NIPSNAP1: variants seen among roughly 807,000 people sequenced by gnomAD.
NIPSNAP1 encodes protein NipSnap homolog 1.
NIPSNAP1 carries 25 observed loss-of-function variants against 49.2 expected under a neutral mutation model. The ratio of observed to expected loss-of-function variants is 0.51; its 90% CI spans 0.37 to 0.71. NIPSNAP1 has a LOEUF of 0.71. Ranked by LOEUF, NIPSNAP1 falls within the 30% of genes least tolerant of loss-of-function variation. The pLI, the probability that NIPSNAP1 is intolerant of heterozygous loss-of-function variation, is 0.00. For synonymous variants in NIPSNAP1, 143 were observed against 140.7 expected, an observed-to-expected ratio of 1.02 and a Z score of -0.12; for missense variants, 294 against 361.0, an observed-to-expected ratio of 0.81 and a Z score of 1.50.
At chr22:29,573,632 G>A (rs528636260) in intron 1 of NIPSNAP1, among the ~76,000 whole-genome samples, 3 of 152,178 alleles carry the variant, frequency 2.0e-5, no homozygotes, top group African/African-American at 7.2e-5. Context: ...GCCAGGCGTG[G>A]TGGTGCATGC....
intron 4 of NIPSNAP1, 27 bp from the exon 5 acceptor site, chr22:29,561,889 G>T (rs1324402556): frequency 6.2e-7 from 1 of 1,611,774 alleles, no homozygotes; most frequent in Admixed American, 1.7e-5. Context: ...GTATAGGTCA[G>T]TGAGCTGCTG....
intron 8 of NIPSNAP1, among the ~76,000 whole-genome samples, chr22:29,559,338 C>T (rs912529851): frequency 6.6e-6 from 1 of 151,964 alleles, no homozygotes; most frequent in African/African-American, 2.4e-5. Flanking sequence ...GCCAGGAGTT[C>T]GAGGCCAGTC....
chr22:29,563,181 G>A (rs186635571), intron 4 of NIPSNAP1, among the ~76,000 whole-genome samples: 10 of 152,090 alleles, frequency 6.6e-5, no homozygotes, highest in African/African-American at 1.9e-4. Flanking sequence ...CAGGAGAATC[G>A]CTTGAACCCA....
chr22:29,567,114 G>A (rs2064373314), intron 4 of NIPSNAP1, among the ~76,000 whole-genome samples: 3 of 152,124 alleles, frequency 2.0e-5, no homozygotes, highest in South Asian at 2.1e-4. Context: ...AGTACAGAGC[G>A]AGGCTCCATC....
intron 1 of NIPSNAP1, 82 bp from the exon 2 acceptor site, chr22:29,570,614 CT>C: frequency 6.5e-7 from 1 of 1,537,456 alleles, no homozygotes; most frequent in South Asian, 1.2e-5. Flanking sequence ...TCCTGCTCCC[CT>C]AGACCAGTGA....
At position 29,572,254 on chromosome 22, in the gene NIPSNAP1, G is replaced by C. The variant is rs1239639495; in HGVS notation, c.99-1722C>G. On this transcript the variant is annotated intron_variant, in intron 1 of 9. Transcript: ENST00000216121. ...AGAGGCAGAGGTTGCAGTGAGCCAA[G>C]ATCGCACCATCACACTCCCGCCTGG... 9.5e-5 allele frequency among the ~76,000 whole-genome samples: 12 copies of C among 126,664 alleles called. No individual in the cohort carries two copies. In the East Asian group the frequency reaches 2.5e-3, roughly 27 times the overall value. 83.1% of individuals were successfully genotyped at this position (126,664 alleles called of 152,430 possible). A position where few individuals can be genotyped will look rare whatever the true frequency, so the allele number is the denominator to read the frequency against.
rs559921690 is a variant in NIPSNAP1 at position 29,556,800 on chromosome 22, A to C, written c.791-801T>G. ...ATTTCACTCTTGTTGCCCAGGCTGG[A>C]GTGCAATGGCACTATCTCGGCTCAC... is the stretch of plus-strand genomic sequence containing the variant. On this transcript the variant is annotated intron_variant, in intron 9 of 9. Coordinates refer to ENST00000216121, the MANE Select transcript of NIPSNAP1 (RefSeq NM_003634.4). Among the ~76,000 whole-genome samples, 86 of 152,256 alleles carry C rather than the reference A, an allele frequency of 5.6e-4. 3 individuals are homozygous for C. In the South Asian group the frequency reaches 0.018, roughly 31 times the overall value.
chr22:29,566,597 C>T (rs557766628), intron 4 of NIPSNAP1, among the ~76,000 whole-genome samples: 42 of 151,986 alleles, frequency 2.8e-4, no homozygotes, highest in African/African-American at 8.9e-4. Flanking sequence ...CCAAGGCTGA[C>T]GGATTGCTTG....
At chr22:29,568,320 C>G (rs2064382238) in intron 4 of NIPSNAP1, among the ~76,000 whole-genome samples, 1 of 144,030 alleles carries the variant, frequency 6.9e-6, no homozygotes, top group Admixed American at 7.1e-5. Context: ...CCCATCTCTA[C>G]TAAAGATACA....
chr22:29,558,832 AG>A lies in NIPSNAP1; in HGVS notation c.790+37del, dbSNP rs767092830. 15 of 1,439,646 alleles carry A rather than the reference AG, an allele frequency of 1.0e-5. No individual in the cohort carries two copies. The East Asian group carries it at 3.4e-4, about 33-fold the overall frequency. The allele number at this position is 1,439,646 out of a possible 1,614,324, so 89.2% of individuals were successfully genotyped here. ...TGCAGAGAGGATTCCATCCTCAGAC[AG>A]GGTTCTCAGCAGAAGACCTCCAAAG... On this transcript the variant is annotated intron_variant, in intron 9 of 9. Coordinates refer to ENST00000216121, the MANE Select transcript of NIPSNAP1 (RefSeq NM_003634.4).
At chr22:29,561,056 A>G in intron 7 of NIPSNAP1, 115 bp downstream of exon 7, 1 of 1,067,272 alleles carries the variant, frequency 9.4e-7, no homozygotes, top group Non-Finnish European at 1.4e-6. Flanking sequence ...TGAGGGGCAG[A>G]AGGTAAAGAG....
chr22:29,580,947 C>G (rs1221189995), intron 1 of NIPSNAP1, 38 bp downstream of exon 1: 1 of 1,486,068 alleles, frequency 6.7e-7, no homozygotes, highest in Admixed American at 2.1e-5. Flanking sequence ...CTGCACCCCA[C>G]CCCGCGCGCG....
intron 8 of NIPSNAP1, among the ~76,000 whole-genome samples, chr22:29,560,091 T>G (rs1601487591): frequency 6.6e-6 from 1 of 152,170 alleles, no homozygotes; most frequent in South Asian, 2.1e-4. Context: ...TGCTGCTCTG[T>G]CTACTTGGAA....
chr22:29,558,895 G>A lies in NIPSNAP1; in HGVS notation c.765C>T (p.Gly255=), dbSNP rs573004186. ...ETRNAAWRKR[G]WDENVYYTVP... ...CTGTATAGTAGACATTTTCATCCCA[G>A]CCTCTCTTCCTCCAGGCAGCGTTTC... Residue 255 remains glycine, a synonymous_variant, in exon 9 of 10, where the codon GGC becomes GGT. Transcript: ENST00000216121. The A allele has an allele frequency of 6.2e-7, 1 of 1,613,904 alleles. No individual in the cohort carries two copies. The highest frequency in any genetic ancestry group is 1.1e-5 in the South Asian group (1 of 91,078).
Position 29,556,015 on chromosome 22 carries a change from G to A in NIPSNAP1, c.791-16C>T. On this transcript the variant is annotated splice_polypyrimidine_tract_variant and intron_variant, in intron 9 of 9. Coordinates refer to ENST00000216121, the MANE Select transcript of NIPSNAP1 (RefSeq NM_003634.4). ...ACCAGGGGGACTGCGGAGAGAGAAGGCAGAGGTCACACAGGGGGCTCAAGC... is the reference window on the plus strand; with the variant it reads ...ACCAGGGGGACTGCGGAGAGAGAAGACAGAGGTCACACAGGGGGCTCAAGC... 1 of 1,541,856 alleles carries A rather than the reference G, an allele frequency of 6.5e-7. No individual in the cohort carries two copies. The highest frequency in any genetic ancestry group is 8.8e-7 in the Non-Finnish European group (1 of 1,141,676).
chr22:29,556,063 C>T, intron 9 of NIPSNAP1, 64 bp from the exon 10 acceptor site: 3 of 1,407,008 alleles, frequency 2.1e-6, no homozygotes, highest in South Asian at 2.5e-5. Context: ...TCCCCTGGCC[C>T]CACCCACACA....
intron 1 of NIPSNAP1, chr22:29,579,931 G>A (rs2064484796): frequency 6.5e-6 from 3 of 464,482 alleles, no homozygotes; most frequent in South Asian, 5.4e-5. Context: ...TAGGTGGGGC[G>A]CTTATGCCAC....
intron 6 of NIPSNAP1, 66 bp from the exon 7 acceptor site, chr22:29,561,268 G>A (rs2064333470): frequency 1.3e-6 from 2 of 1,589,966 alleles, no homozygotes; most frequent in African/African-American, 2.7e-5. Context: ...TCACAGCTTG[G>A]CAAGGAAGGG....
At chr22:29,561,970 C>T in intron 4 of NIPSNAP1, 108 bp from the exon 5 acceptor site, 2 of 913,172 alleles carry the variant, frequency 2.2e-6, no homozygotes, top group South Asian at 2.8e-5. Flanking sequence ...TGGCCTGGTT[C>T]CCTGTAGCAG....
Sources: gnomAD v4.1 joint callset for allele counts (sites outside exome capture counted in the v4.1 genomes callset) on GRCh38, gnomAD v4.1.1 for gene constraint, MANE v1.5 for transcripts, NCBI Gene and HGNC (gene_info 2026-07-23, HGNC 2026-07-21) for gene names.